The following HAUS7 variants were observed in gnomAD, a reference collection of about 807,000 sequenced individuals.
HAUS7 encodes HAUS augmin like complex subunit 7.
HAUS7 carries 3 observed loss-of-function variants against 28.4 expected under a neutral mutation model. That is an observed-to-expected ratio of 0.11 (90% CI 0.05 to 0.27). HAUS7 has a LOEUF of 0.27. Ranked by LOEUF, HAUS7 falls within the 10% of genes least tolerant of loss-of-function variation. The probability of loss-of-function intolerance (pLI) is 1.00; values close to 1 mark genes in which losing one functional copy is unlikely to be tolerated. For missense variants in HAUS7, 284 were observed against 297.3 expected, an observed-to-expected ratio of 0.96 and a Z score of 0.33; for synonymous variants, 165 against 132.1, an observed-to-expected ratio of 1.25 and a Z score of -1.71.
upstream of HAUS7, among the ~76,000 whole-genome samples, chrX:153,475,396 C>T (rs1204335132): frequency 1.8e-5 from 2 of 110,549 alleles, no homozygotes; most frequent in African/African-American, 3.3e-5. Flanking sequence ...ACCCCCACCC[C>T]GCAGCAGGCT....
chrX:153,449,872 C>G (rs1231165701), intron 9 of HAUS7, among the ~76,000 whole-genome samples: 1 of 112,601 alleles, frequency 8.9e-6, no homozygotes, highest in East Asian at 2.8e-4. Context: ...TCTGTTTTCT[C>G]TCTTCTTAGA....
At chrX:153,473,194 C>T, upstream of HAUS7, among the ~76,000 whole-genome samples, 1 of 112,714 alleles carries the variant, frequency 8.9e-6, no homozygotes, top group East Asian at 2.8e-4. Context: ...TTCATATGAC[C>T]TTAAGGGCAG....
In HAUS7 at chrX:153,481,706, C is replaced by T. The variant is rs2089601174; in HGVS notation, c.-588-10561G>A. 7 of 743,083 alleles carry T rather than the reference C, an allele frequency of 9.4e-6. No individual in the cohort carries two copies. In the South Asian group the frequency reaches 4.1e-4, roughly 44 times the overall value. The allele number at this position is 743,083 out of a possible 1,213,427, so 61.2% of individuals were successfully genotyped here. Reference sequence around the variant, plus strand: ...GCAGCAGGGGTGAGAAGGCTGAGACCTGGGCTCCCACCCTGGCTCCCCTGA... The same window carrying T: ...GCAGCAGGGGTGAGAAGGCTGAGACTTGGGCTCCCACCCTGGCTCCCCTGA... On this transcript the variant is annotated intron_variant, in intron 1 of 5. Transcript: ENST00000370210.
chrX:153,468,118 G>C (rs1439550991), intron 2 of HAUS7, among the ~76,000 whole-genome samples: 1 of 112,432 alleles, frequency 8.9e-6, no homozygotes, highest in Non-Finnish European at 1.9e-5. Context: ...CTCTGGAACA[G>C]CAAGGGCTCA....
chrX:153,456,411 T>A (rs1367581223), intron 6 of HAUS7, 47 bp from the exon 7 acceptor site: 1 of 1,177,639 alleles, frequency 8.5e-7, no homozygotes, highest in African/African-American at 1.8e-5. Context: ...CTGCCAGGGG[T>A]GTCTGCAGTA....
intron 1 of HAUS7, among the ~76,000 whole-genome samples, chrX:153,494,740 G>A (rs1444471276): frequency 1.6e-5 from 1 of 64,365 alleles, no homozygotes; most frequent in Admixed American, 1.4e-4. Flanking sequence ...AGGCGGGGGA[G>A]GGGGGGGGAG....
chrX:153,484,501 G>T (rs2089622806), intron 1 of HAUS7, among the ~76,000 whole-genome samples: 1 of 110,472 alleles, frequency 9.1e-6, no homozygotes, highest in African/African-American at 3.3e-5. Context: ...GAACAGCGGG[G>T]AGGGCTGGGG....
intron 4 of HAUS7, among the ~76,000 whole-genome samples, chrX:153,460,583 G>A (rs956808640): frequency 9.1e-6 from 1 of 110,034 alleles, no homozygotes; most frequent in African/African-American, 3.3e-5. Context: ...AAGCAGCAGC[G>A]AGCTCCCACA....
chrX:153,480,474 C>CG (rs1461617501), intron 1 of HAUS7: 151 of 487,342 alleles, frequency 3.1e-4, no homozygotes, highest in Non-Finnish European at 3.8e-4. Context: ...AAAGGCGGGG[C>CG]GGGGGGAGGC....
intron 2 of HAUS7, 84 bp from the exon 3 acceptor site, chrX:153,465,139 T>C (rs782239153): frequency 2.1e-5 from 13 of 625,740 alleles, no homozygotes; most frequent in Non-Finnish European, 3.2e-5. Context: ...AAGAAGTGAA[T>C]TCCTGTGCAC....
chrX:153,477,805 GCCCTGGATGGCGAGGGTA>G (rs1194794336), intron 1 of HAUS7, among the ~76,000 whole-genome samples: 1 of 112,422 alleles, frequency 8.9e-6, no homozygotes, highest in African/African-American at 3.2e-5. Flanking sequence ...AGAAACCAGA[GCCCTGGATGGCGAGGGTA>G]CCCTGGATAT....
At chrX:153,471,283 G>T (rs2089522029), upstream of HAUS7, 1 of 228,866 alleles carries the variant, frequency 4.4e-6, no homozygotes, top group Non-Finnish European at 8.4e-6. Context: ...AATGAGGATG[G>T]CAGGCGGTAA....
At chrX:153,448,345 G>C (rs2089191202) in intron 9 of HAUS7, among the ~76,000 whole-genome samples, 1 of 93,842 alleles carries the variant, frequency 1.1e-5, no homozygotes, top group African/African-American at 4.0e-5. Flanking sequence ...ACTGAACAAT[G>C]AGAACACTTG....
intron 1 of HAUS7, chrX:153,486,962 G>A (rs892592792): frequency 8.0e-5 from 33 of 412,377 alleles, no homozygotes; most frequent in African/African-American, 7.1e-4. Flanking sequence ...TGGTGAGGCC[G>A]CTTCACTTAG....
intron 9 of HAUS7, among the ~76,000 whole-genome samples, chrX:153,449,139 C>G (rs2089206490): frequency 8.9e-6 from 1 of 112,150 alleles, no homozygotes; most frequent in African/African-American, 3.2e-5. Context: ...CAGAGGAGGA[C>G]ACAGCCCCTC....
intron 1 of HAUS7, among the ~76,000 whole-genome samples, chrX:153,488,819 C>T (rs1413264079): frequency 8.8e-6 from 1 of 113,156 alleles, no homozygotes; most frequent in African/African-American, 3.2e-5. Context: ...CTGCCCACTT[C>T]TTACCACTGC....
intron 1 of HAUS7, among the ~76,000 whole-genome samples, chrX:153,469,669 C>T (rs1476871648): frequency 1.8e-5 from 2 of 112,463 alleles, no homozygotes; most frequent in Middle Eastern, 4.6e-3. Flanking sequence ...TTCCTTTACC[C>T]GCGTCCTGCC....
chrX:153,494,364 C>G (rs1433384491), intron 1 of HAUS7, among the ~76,000 whole-genome samples: 1 of 112,630 alleles, frequency 8.9e-6, no homozygotes, highest in East Asian at 2.8e-4. Context: ...CTGCCACCAC[C>G]AGCCGGATCG....
chrX:153,464,882 A>G (rs1280710866), intron 3 of HAUS7, 106 bp downstream of exon 3: 11 of 578,003 alleles, frequency 1.9e-5, no homozygotes, highest in Non-Finnish European at 3.0e-5. Context: ...AGCAACATCC[A>G]CACAACATGC....
Sources: gnomAD v4.1 joint callset for allele counts (sites outside exome capture counted in the v4.1 genomes callset) on GRCh38, gnomAD v4.1.1 for gene constraint, MANE v1.5 for transcripts, NCBI Gene and HGNC (gene_info 2026-07-23, HGNC 2026-07-21) for gene names.